TRIP12: variants seen among roughly 807,000 people sequenced by gnomAD.
TRIP12 encodes E3 ubiquitin-protein ligase TRIP12.
TRIP12 carries 25 observed loss-of-function variants against 244.2 expected under a neutral mutation model. The observed-to-expected ratio is 0.10, with a 90% confidence interval of 0.07 to 0.14. The LOEUF is 0.14. TRIP12 is among the 10% of genes least tolerant of loss of function. The pLI is 1.00. For missense variants in TRIP12, 1,677 were observed against 2,486.4 expected, an observed-to-expected ratio of 0.67 and a Z score of 6.92; for synonymous variants, 905 against 873.1, an observed-to-expected ratio of 1.04 and a Z score of -0.64.
At chr2:229,867,561 T>A (rs912659954) in intron 2 of TRIP12, among the ~76,000 whole-genome samples, 1 of 152,116 alleles carries the variant, frequency 6.6e-6, no homozygotes, top group South Asian at 2.1e-4. Flanking sequence ...GCCTTCTTTT[T>A]CTCTCTGTAT....
intron 6 of TRIP12, among the ~76,000 whole-genome samples, chr2:229,832,296 G>A (rs566756425): frequency 2.6e-5 from 4 of 152,220 alleles, no homozygotes; most frequent in Non-Finnish European, 5.9e-5. Flanking sequence ...TCATTTACAA[G>A]TCTGTGGCCG....
chr2:229,869,401 TTAA>T (rs2062124455), intron 2 of TRIP12, among the ~76,000 whole-genome samples: 1 of 152,154 alleles, frequency 6.6e-6, no homozygotes, highest in Non-Finnish European at 1.5e-5. Context: ...GTGAAAGGAA[TTAA>T]TGAGACCACA....
At chr2:229,835,175 C>T (rs1042586227) in intron 6 of TRIP12, among the ~76,000 whole-genome samples, 4 of 152,172 alleles carry the variant, frequency 2.6e-5, no homozygotes, top group Non-Finnish European at 4.4e-5. Flanking sequence ...AGAGATCTAT[C>T]CTCCAAAATG....
rs35282953 is a variant in TRIP12, at chr2:229,773,080, C to CT, written c.5694+1016dup. 1.1e-3 allele frequency among the ~76,000 whole-genome samples: 156 copies of CT among 145,758 alleles called. 1 individual carries two copies. The highest frequency in any genetic ancestry group is 5.6e-3 in the South Asian group (26 of 4,620). ...AGCATCACAAATTAATATATACATGCTTTTTTTTTTTTTGAAATGAAGTCT... is the reference window on the plus strand; with the variant it reads ...AGCATCACAAATTAATATATACATGCTTTTTTTTTTTTTTGAAATGAAGTCT... On this transcript the variant is annotated intron_variant, in intron 38 of 41. Coordinates refer to ENST00000675903, the MANE Select transcript of TRIP12 (RefSeq NM_001348323.3).
chr2:229,890,783 T>C (rs2067157657), intron 1 of TRIP12, among the ~76,000 whole-genome samples: 1 of 152,212 alleles, frequency 6.6e-6, no homozygotes, highest in Admixed American at 6.5e-5. Flanking sequence ...TGCCATACTC[T>C]ATAGACTAAT....
chr2:229,893,601 T>C (rs2067957212), intron 1 of TRIP12, among the ~76,000 whole-genome samples: 1 of 152,226 alleles, frequency 6.6e-6, no homozygotes, highest in South Asian at 2.1e-4. Flanking sequence ...AATAATATCC[T>C]GAGATTCATC....
Position 229,769,314 on chromosome 2 carries a change from G to C in TRIP12, c.5820C>G (p.Leu1940=). 6.2e-7 allele frequency: 1 copy of C among 1,613,930 alleles called. No individual in the cohort carries two copies. Among genetic ancestry groups the C allele is most frequent in the Non-Finnish European group, 8.5e-7 (1 of 1,179,954 alleles). The change falls in exon 40 of 42, where the codon CTC becomes CTG. Residue 1940 remains leucine (L), a synonymous_variant. Transcript: ENST00000675903. ...AAGTGTCTGCTTTACTGCCACAAAGGAGCTGATCCAGCTGTGAGTTTAAAT... is the reference window on the plus strand; with the variant it reads ...AAGTGTCTGCTTTACTGCCACAAAGCAGCTGATCCAGCTGTGAGTTTAAAT... ...QYFYPEELDQ[L]LCGSKADTWD...
At chr2:229,814,551 A>C (rs1353727296) in intron 11 of TRIP12, 1 of 390,924 alleles carries the variant, frequency 2.6e-6, no homozygotes, top group Non-Finnish European at 4.5e-6. Flanking sequence ...TTTACATAAT[A>C]AACCAAACCC....
chr2:229,916,145 T>G (rs2075340031), intron 1 of TRIP12, among the ~76,000 whole-genome samples: 1 of 152,148 alleles, frequency 6.6e-6, no homozygotes, highest in African/African-American at 2.4e-5. Context: ...ATACAGAATG[T>G]CTAGCATATA....
At chr2:229,853,638 C>T (rs571836265) in intron 4 of TRIP12, among the ~76,000 whole-genome samples, 9 of 151,982 alleles carry the variant, frequency 5.9e-5, no homozygotes, top group Non-Finnish European at 1.0e-4. Context: ...GACTGGGCGA[C>T]AAGAATGAGA....
intron 1 of TRIP12, among the ~76,000 whole-genome samples, chr2:229,904,869 G>A (rs1412405751): frequency 6.6e-6 from 1 of 152,184 alleles, no homozygotes; most frequent in Admixed American, 6.5e-5. Flanking sequence ...CATTAGTTGT[G>A]TCAAATGTAC....
intron 2 of TRIP12, among the ~76,000 whole-genome samples, chr2:229,862,238 T>C (rs1404168774): frequency 1.3e-5 from 2 of 152,226 alleles, no homozygotes; most frequent in East Asian, 3.8e-4. Context: ...AAAATTTTGC[T>C]TTAACCAATG....
At chr2:229,916,272 T>C (rs1011075631) in intron 1 of TRIP12, among the ~76,000 whole-genome samples, 1 of 152,242 alleles carries the variant, frequency 6.6e-6, no homozygotes, top group Non-Finnish European at 1.5e-5. Context: ...GGGAAATGCA[T>C]AGCCAGGATT....
At chr2:229,786,396 CTTTT>C (rs34138414) in intron 33 of TRIP12, among the ~76,000 whole-genome samples, 3 of 127,766 alleles carry the variant, frequency 2.3e-5, no homozygotes, top group African/African-American at 6.3e-5. Flanking sequence ...AATAGGATGA[CTTTT>C]TTTTTTTTTT....
chr2:229,770,225 T>G (rs920520775), intron 39 of TRIP12, among the ~76,000 whole-genome samples: 1 of 152,170 alleles, frequency 6.6e-6, no homozygotes, highest in African/African-American at 2.4e-5. Context: ...CACCTCCATC[T>G]CCCAAAGTGC....
chr2:229,835,596 T>C (rs1559741809), intron 6 of TRIP12, among the ~76,000 whole-genome samples: 1 of 152,192 alleles, frequency 6.6e-6, no homozygotes, highest in Non-Finnish European at 1.5e-5. Context: ...ATAACACTCA[T>C]ACCTCAGCAG....
intron 38 of TRIP12, among the ~76,000 whole-genome samples, chr2:229,772,526 T>C (rs1264255140): frequency 6.6e-6 from 1 of 152,146 alleles, no homozygotes; most frequent in Admixed American, 6.5e-5. Context: ...TGCAGTGGCA[T>C]GATCCTGACT....
At chr2:229,899,325 C>A (rs1303174424) in intron 1 of TRIP12, among the ~76,000 whole-genome samples, 1 of 152,050 alleles carries the variant, frequency 6.6e-6, no homozygotes, top group Non-Finnish European at 1.5e-5. Flanking sequence ...GGAGGTACTG[C>A]CACACCTCCA....
At chr2:229,800,639 G>A (rs1256389660) in intron 21 of TRIP12, among the ~76,000 whole-genome samples, 1 of 152,078 alleles carries the variant, frequency 6.6e-6, no homozygotes, top group Non-Finnish European at 1.5e-5. Context: ...GCTGTAATAT[G>A]GAACCACTTA....
Sources: allele counts gnomAD v4.1 joint callset (sites outside exome capture counted in the v4.1 genomes callset), GRCh38; gene constraint gnomAD v4.1.1; transcripts MANE v1.5; gene names NCBI Gene and HGNC (gene_info 2026-07-23, HGNC 2026-07-21).